STEAP1B: variants seen among roughly 807,000 people sequenced by gnomAD.
The protein encoded by STEAP1B is STEAP family protein MGC87042.
A neutral mutation model predicts 27.9 loss-of-function variants in STEAP1B; 13 were observed. The ratio of observed to expected loss-of-function variants is 0.47; its 90% CI spans 0.30 to 0.74. STEAP1B has a LOEUF of 0.74. Ranked by LOEUF, STEAP1B falls within the 30% of genes least tolerant of loss-of-function variation. The pLI, the probability that STEAP1B is intolerant of heterozygous loss-of-function variation, is 0.06. For synonymous variants in STEAP1B, 86 were observed against 107.1 expected, an observed-to-expected ratio of 0.80 and a Z score of 1.22; for missense variants, 250 against 298.7, an observed-to-expected ratio of 0.84 and a Z score of 1.20.
chr7:22,465,579 C>T (rs1003768599), intron 4 of STEAP1B, among the ~76,000 whole-genome samples: 1 of 152,056 alleles, frequency 6.6e-6, no homozygotes, highest in Non-Finnish European at 1.5e-5. Context: ...TTGTTATGTA[C>T]GATGTGAACA....
At chr7:22,429,972 T>C (rs1270490039) in intron 4 of STEAP1B, among the ~76,000 whole-genome samples, 2 of 152,136 alleles carry the variant, frequency 1.3e-5, no homozygotes, top group Admixed American at 1.3e-4. Context: ...ATGGAGATAA[T>C]TACCTTGAGG....
intron 4 of STEAP1B, among the ~76,000 whole-genome samples, chr7:22,461,817 C>A (rs547326560): frequency 6.6e-6 from 1 of 152,184 alleles, no homozygotes; most frequent in Non-Finnish European, 1.5e-5. Flanking sequence ...CCAGATGTAA[C>A]CTATTCCAAC....
intron 4 of STEAP1B, among the ~76,000 whole-genome samples, chr7:22,475,773 C>T (rs1785961114): frequency 6.6e-6 from 1 of 152,212 alleles, no homozygotes; most frequent in African/African-American, 2.4e-5. Context: ...AGTCCCTGGC[C>T]AGTCCTGTGG....
At chr7:22,451,153 C>T (rs924659048) in intron 4 of STEAP1B, among the ~76,000 whole-genome samples, 7 of 151,274 alleles carry the variant, frequency 4.6e-5, no homozygotes, top group East Asian at 3.9e-4. Context: ...GCTGAGATTG[C>T]GTCACTGTAC....
intron 4 of STEAP1B, among the ~76,000 whole-genome samples, chr7:22,434,718 T>C (rs1176891528): frequency 6.6e-6 from 1 of 152,246 alleles, no homozygotes; most frequent in Non-Finnish European, 1.5e-5. Flanking sequence ...GAAGAGCACA[T>C]AGATTTGTTA....
At chr7:22,447,723 C>T (rs750566626) in intron 4 of STEAP1B, among the ~76,000 whole-genome samples, 1 of 152,176 alleles carries the variant, frequency 6.6e-6, no homozygotes, top group Non-Finnish European at 1.5e-5. Context: ...GCCATAGAAG[C>T]CAATTTGTTT....
At chr7:22,449,641 T>C (rs560033362) in intron 4 of STEAP1B, among the ~76,000 whole-genome samples, 1 of 152,334 alleles carries the variant, frequency 6.6e-6, no homozygotes, top group South Asian at 2.1e-4. Context: ...AGTAATTTCC[T>C]TTCTTTTGGG....
intron 4 of STEAP1B, among the ~76,000 whole-genome samples, chr7:22,485,068 G>T (rs528470700): frequency 8.5e-5 from 13 of 152,336 alleles, no homozygotes; most frequent in African/African-American, 3.1e-4. Context: ...ACGCTGTGAA[G>T]ATTGTTACAA....
At chr7:22,495,865 A>G (rs1377670962) in intron 1 of STEAP1B, among the ~76,000 whole-genome samples, 2 of 152,240 alleles carry the variant, frequency 1.3e-5, no homozygotes, top group Admixed American at 1.3e-4. Context: ...TGGTCCCATA[A>G]GAGTATAATG....
chr7:22,427,046 T>C (rs1562564802), intron 4 of STEAP1B, among the ~76,000 whole-genome samples: 1 of 151,902 alleles, frequency 6.6e-6, no homozygotes, highest in African/African-American at 2.4e-5. Context: ...GCCTGAGGAA[T>C]AGAGAGGTAG....
At chr7:22,435,513 AT>A (rs997164024) in intron 4 of STEAP1B, among the ~76,000 whole-genome samples, 5 of 152,078 alleles carry the variant, frequency 3.3e-5, no homozygotes, top group African/African-American at 4.8e-5. Flanking sequence ...CCATCAGTAA[AT>A]TTTTTCTGAA....
chr7:22,437,888 T>C (rs7458118), intron 4 of STEAP1B, among the ~76,000 whole-genome samples: 55,772 of 152,046 alleles, frequency 0.37, 10,432 homozygotes, highest in South Asian at 0.42. Flanking sequence ...ATATATCTAT[T>C]GGTCAAGTGT....
Position 22,493,495 on chromosome 7 carries a change from A to T in STEAP1B, c.426T>A (p.His142Gln). Reference sequence around the variant, plus strand: ...GAAACTTCTTATACTTGGTTCCATTATGAACTTGGACAATTGCTGCTATCA... The same window carrying T: ...GAAACTTCTTATACTTGGTTCCATTTTGAACTTGGACAATTGCTGCTATCA... Reference protein sequence around the residue: ...PGVIAAIVQVHNGTKYKKFPH... With the variant: ...PGVIAAIVQVQNGTKYKKFPH... The change falls in exon 3 of 5, where the codon CAT (histidine) becomes CAA (glutamine). Residue 142 changes from histidine (H) to glutamine (Q), a missense_variant. Physicochemically the swap from His to Gln is conservative, Grantham distance 24. Coordinates refer to ENST00000678116, the MANE Select transcript of STEAP1B (RefSeq NM_001382447.1). The T allele has an allele frequency of 6.2e-7, 1 of 1,613,640 alleles. No individual in the cohort carries two copies. The highest frequency in any genetic ancestry group is 8.5e-7 in the Non-Finnish European group (1 of 1,179,644).
At chr7:22,488,060 A>G (rs1786246486) in intron 4 of STEAP1B, among the ~76,000 whole-genome samples, 1 of 152,152 alleles carries the variant, frequency 6.6e-6, no homozygotes, top group African/African-American at 2.4e-5. Flanking sequence ...ACGCCACCCC[A>G]GAAACTGCTG....
intron 4 of STEAP1B, among the ~76,000 whole-genome samples, chr7:22,487,630 C>A (rs1281513528): frequency 1.3e-5 from 2 of 151,250 alleles, no homozygotes; most frequent in African/African-American, 4.9e-5. Context: ...CGTGGAGAAA[C>A]CCTGTCTCTA....
intron 2 of STEAP1B, among the ~76,000 whole-genome samples, chr7:22,494,349 G>A (rs1786399982): frequency 1.3e-5 from 2 of 151,984 alleles, no homozygotes; most frequent in African/African-American, 4.8e-5. Context: ...CAATTTACTA[G>A]ATGATCTCTT....
intron 4 of STEAP1B, among the ~76,000 whole-genome samples, chr7:22,462,147 GT>G (rs1017084598): frequency 6.6e-6 from 1 of 152,044 alleles, no homozygotes; most frequent in African/African-American, 2.4e-5. Context: ...GTTTTGATGG[GT>G]TTTTACTCTC....
intron 4 of STEAP1B, among the ~76,000 whole-genome samples, chr7:22,450,886 T>C (rs1785476075): frequency 6.6e-6 from 1 of 152,164 alleles, no homozygotes; most frequent in Admixed American, 6.6e-5. Flanking sequence ...TTCCTAGATA[T>C]TTAATTTTGT....
chr7:22,438,626 T>C, intron 4 of STEAP1B: 1 of 1,552,172 alleles, frequency 6.4e-7, no homozygotes, highest in South Asian at 1.2e-5. Context: ...CTCCTAGTCT[T>C]GGAAGGTGGT....
Sources: allele counts gnomAD v4.1 joint callset (sites outside exome capture counted in the v4.1 genomes callset), GRCh38; gene constraint gnomAD v4.1.1; transcripts MANE v1.5; gene names NCBI Gene and HGNC (gene_info 2026-07-23, HGNC 2026-07-21).